The following SIAH3 variants were observed in gnomAD, a reference collection of about 807,000 sequenced individuals.
The protein encoded by SIAH3 is siah E3 ubiquitin protein ligase family member 3.
In SIAH3, 9 loss-of-function variants were observed where a neutral mutation model predicts 12.6. That is an observed-to-expected ratio of 0.72 (90% CI 0.43 to 1.25). The LOEUF (loss-of-function observed/expected upper bound fraction) is 1.25, where lower values mean the gene tolerates loss of function less well. Ranked by LOEUF, SIAH3 falls within the 50% of genes most tolerant of loss-of-function variation. The pLI is 0.00. For synonymous variants in SIAH3, 154 were observed against 151.1 expected, an observed-to-expected ratio of 1.02 and a Z score of -0.14; for missense variants, 390 against 365.4, an observed-to-expected ratio of 1.07 and a Z score of -0.55.
At chr13:45,804,298 T>C (rs1950591736) in intron 1 of SIAH3, among the ~76,000 whole-genome samples, 1 of 152,140 alleles carries the variant, frequency 6.6e-6, no homozygotes, top group South Asian at 2.1e-4. Flanking sequence ...GAAAACATTA[T>C]GTTAAGTCAA....
intron 1 of SIAH3, among the ~76,000 whole-genome samples, chr13:45,837,754 T>C (rs1950723848): frequency 6.6e-6 from 1 of 152,228 alleles, no homozygotes; most frequent in African/African-American, 2.4e-5. Context: ...ATTGTATGTA[T>C]TATTACAGGC....
intron 1 of SIAH3, among the ~76,000 whole-genome samples, chr13:45,786,142 C>A (rs1950527174): frequency 1.3e-5 from 2 of 152,164 alleles, no homozygotes; most frequent in Non-Finnish European, 2.9e-5. Flanking sequence ...CTCCTGGGAT[C>A]ATGCAGGAAG....
chr13:45,842,315 C>G (rs1026841311), intron 1 of SIAH3, among the ~76,000 whole-genome samples: 2 of 152,194 alleles, frequency 1.3e-5, no homozygotes, highest in East Asian at 1.9e-4. Context: ...TTATAATATG[C>G]CAGGTGCTGT....
intron 1 of SIAH3, among the ~76,000 whole-genome samples, chr13:45,848,376 A>G (rs962912741): frequency 7.2e-5 from 11 of 152,172 alleles, no homozygotes; most frequent in Middle Eastern, 3.2e-3. Flanking sequence ...CTTATGTTCA[A>G]GGCTGGCTAC....
chr13:45,833,169 T>A (rs1950705661), intron 1 of SIAH3, among the ~76,000 whole-genome samples: 1 of 152,234 alleles, frequency 6.6e-6, no homozygotes, highest in Non-Finnish European at 1.5e-5. Flanking sequence ...ATAGCACCAC[T>A]TTCCATAGCA....
At position 45,783,286 on chromosome 13, in the gene SIAH3, A is replaced by T; in HGVS notation, c.*97T>A. ...ATTAAAAATTAAAAAAAAAAAAAAG[A>T]AAGGAGAAGAATAAAAAGGAGTCTG... On this transcript the variant is annotated 3_prime_UTR_variant, in exon 2 of 2. Transcript: ENST00000400405. The T allele has an allele frequency of 1.3e-6, 1 of 763,096 alleles. No individual in the cohort carries two copies. The highest frequency in any genetic ancestry group is 1.9e-6 in the Non-Finnish European group (1 of 524,540). The allele number at this position is 763,096 out of a possible 1,614,324, so 47.3% of individuals were successfully genotyped here. A position where few individuals can be genotyped will look rare whatever the true frequency, so the allele number is the denominator to read the frequency against.
intron 1 of SIAH3, among the ~76,000 whole-genome samples, chr13:45,843,498 T>C (rs1211988327): frequency 6.6e-6 from 1 of 152,188 alleles, no homozygotes; most frequent in Non-Finnish European, 1.5e-5. Context: ...AGGGGATTTA[T>C]CTGCATGGCT....
rs146695606 is a variant in SIAH3 at position 45,786,723 on chromosome 13, G to T, written c.136-2666C>A. On this transcript the variant is annotated intron_variant, in intron 1 of 1. Coordinates refer to ENST00000400405, the MANE Select transcript of SIAH3 (RefSeq NM_198849.3). ...CAGCCTTCCACTGCAGTCTGTGCCT[G>T]CCTGTCTCCATTCTGATCAAGTCAC... Among the ~76,000 whole-genome samples, 16 of 152,280 alleles carry T rather than the reference G, an allele frequency of 1.1e-4. No individual in the cohort carries two copies. The East Asian group carries it at 1.7e-3, about 17-fold the overall frequency.
intron 1 of SIAH3, among the ~76,000 whole-genome samples, chr13:45,828,739 T>C (rs1312915228): frequency 6.6e-6 from 1 of 152,188 alleles, no homozygotes; most frequent in Non-Finnish European, 1.5e-5. Context: ...CAATAAGTCA[T>C]TTTCAACAGT....
Position 45,777,324 on chromosome 13 carries a change from G to GTTAT in SIAH3, c.*6055_*6058dup, listed in dbSNP as rs1230845940. 6.6e-6 allele frequency: 1 copy of GTTAT among 152,118 alleles called. No individual in the cohort carries two copies. The highest frequency in any genetic ancestry group is 1.5e-5 in the Non-Finnish European group (1 of 68,018). 9.4% of individuals were successfully genotyped at this position (152,118 alleles called of 1,614,324 possible). Reference sequence around the variant, plus strand: ...GAAGTAGCAGTTTGAGTTTGTCCAAGTTATTGTCTTTAACATTATAAGAAA... The same window carrying GTTAT: ...GAAGTAGCAGTTTGAGTTTGTCCAAGTTATTTATTGTCTTTAACATTATAAGAAA... On this transcript the variant is annotated 3_prime_UTR_variant, in exon 2 of 2. Transcript: ENST00000400405.
At chr13:45,818,330 A>AC (rs1950642597) in intron 1 of SIAH3, among the ~76,000 whole-genome samples, 1 of 152,222 alleles carries the variant, frequency 6.6e-6, no homozygotes, top group Non-Finnish European at 1.5e-5. Context: ...AAGCTAAGAC[A>AC]CCTACACATA....
At chr13:45,829,593 ACCAAGAC>A (rs1950691226) in intron 1 of SIAH3, among the ~76,000 whole-genome samples, 2 of 152,138 alleles carry the variant, frequency 1.3e-5, no homozygotes, top group African/African-American at 4.8e-5. Flanking sequence ...CTGGCGACAG[ACCAAGAC>A]CCTGACTCAA....
intron 1 of SIAH3, among the ~76,000 whole-genome samples, chr13:45,846,795 C>T (rs1027799748): frequency 1.3e-5 from 2 of 152,168 alleles, no homozygotes; most frequent in Non-Finnish European, 2.9e-5. Context: ...TCATCATAGC[C>T]GCCAGCTTCA....
intron 1 of SIAH3, among the ~76,000 whole-genome samples, chr13:45,848,106 C>A (rs1255351631): frequency 6.6e-6 from 1 of 152,118 alleles, no homozygotes; most frequent in Non-Finnish European, 1.5e-5. Flanking sequence ...GAATCAGGAC[C>A]AGGAGCAGGC....
At chr13:45,803,123 A>G (rs1469752504) in intron 1 of SIAH3, among the ~76,000 whole-genome samples, 5 of 151,836 alleles carry the variant, frequency 3.3e-5, no homozygotes, top group African/African-American at 1.2e-4. Flanking sequence ...GGGTGTGGGC[A>G]GGAGTGCCTT....
chr13:45,789,410 A>ATCTG (rs1244077313), intron 1 of SIAH3, among the ~76,000 whole-genome samples: 101 of 142,650 alleles, frequency 7.1e-4, no homozygotes, highest in African/African-American at 2.5e-3. Context: ...CTATCTATCT[A>ATCTG]TCTATCTATA....
chr13:45,835,443 A>G (rs1215605464), intron 1 of SIAH3, among the ~76,000 whole-genome samples: 1 of 152,156 alleles, frequency 6.6e-6, no homozygotes, highest in Non-Finnish European at 1.5e-5. Context: ...AACAACAACA[A>G]TAGCAATAAT....
At chr13:45,801,367 A>T (rs1031597181) in intron 1 of SIAH3, among the ~76,000 whole-genome samples, 2 of 152,166 alleles carry the variant, frequency 1.3e-5, no homozygotes, top group African/African-American at 4.8e-5. Flanking sequence ...GAATGCAGGG[A>T]GGAGCTGTGC....
chr13:45,843,065 A>G (rs1950746570), intron 1 of SIAH3, among the ~76,000 whole-genome samples: 1 of 61,398 alleles, frequency 1.6e-5, no homozygotes, highest in Non-Finnish European at 3.5e-5. Context: ...TGTGTGTAGA[A>G]ACTCAGGTTG....
Sources: allele counts gnomAD v4.1 joint callset (sites outside exome capture counted in the v4.1 genomes callset), GRCh38; gene constraint gnomAD v4.1.1; transcripts MANE v1.5; gene names NCBI Gene and HGNC (gene_info 2026-07-23, HGNC 2026-07-21).